Variants in ADAMTS6 observed in about 807,000 individuals in gnomAD.
ADAMTS6 encodes ADAM metallopeptidase with thrombospondin type 1 motif 6.
Under a neutral mutation model 144.3 loss-of-function variants are expected in ADAMTS6, and 23 were observed. The ratio of observed to expected loss-of-function variants is 0.16; its 90% CI spans 0.11 to 0.23. ADAMTS6 has a LOEUF of 0.23. ADAMTS6 is among the 10% of genes least tolerant of loss of function. The pLI is 1.00. For synonymous variants in ADAMTS6, 444 were observed against 457.5 expected (o/e 0.97, Z 0.38); for missense variants, 999 against 1,379.6 (o/e 0.72, Z 4.37).
At chr5:65,380,135 G>A (rs544467650) in intron 7 of ADAMTS6, among the ~76,000 whole-genome samples, 1 of 151,766 alleles carries the variant, frequency 6.6e-6, no homozygotes, top group East Asian at 1.9e-4. Context: ...TTTTTCTCCA[G>A]ACAGCCATTT....
chr5:65,299,899 T>C, intron 10 of ADAMTS6, 86 bp downstream of exon 10: 3 of 1,432,166 alleles, frequency 2.1e-6, no homozygotes, highest in South Asian at 1.4e-5. Context: ...TTACTCATTA[T>C]GCAAAGTTGA....
Position 65,170,655 on chromosome 5 carries a change from T to C in ADAMTS6, c.3206A>G (p.Glu1069Gly). Residue 1069 changes from glutamate to glycine, a missense_variant, in exon 24 of 25, where the codon GAA becomes GGA. By Grantham distance (98) the Glu-to-Gly change is moderately conservative. This residue lies in a region of ADAMTS6 where 619 missense variants were observed against 837.0 expected (regional missense o/e 0.74). Coordinates refer to ENST00000381055, the MANE Select transcript of ADAMTS6 (RefSeq NM_197941.4). Reference protein sequence around the residue: ...TVRPPSMQQCESKCDSTPISN... With the variant: ...TVRPPSMQQCGSKCDSTPISN... The stretch of plus-strand genomic sequence containing the variant: ...AATGGGGGTACTGTCACATTTGCTT[T>C]CACACTGCTGCATTGATGGAGGCCG... 6.2e-7 allele frequency: 1 copy of C among 1,614,162 alleles called. No homozygotes were observed. The highest frequency in any genetic ancestry group is 8.5e-7 in the Non-Finnish European group (1 of 1,180,032).
intron 7 of ADAMTS6, among the ~76,000 whole-genome samples, chr5:65,433,991 A>C (rs959256792): frequency 2.6e-5 from 4 of 152,234 alleles, no homozygotes; most frequent in Non-Finnish European, 5.9e-5. Context: ...AATAGCTGAA[A>C]AGGAGAAACA....
At chr5:65,249,323 A>G (rs1166534382) in intron 14 of ADAMTS6, among the ~76,000 whole-genome samples, 1 of 152,208 alleles carries the variant, frequency 6.6e-6, no homozygotes, top group Non-Finnish European at 1.5e-5. Context: ...TCCACCAGAA[A>G]AAGGAAGAAA....
intron 11 of ADAMTS6, among the ~76,000 whole-genome samples, chr5:65,291,009 G>T (rs1448881383): frequency 3.3e-5 from 5 of 151,990 alleles, no homozygotes; most frequent in African/African-American, 7.2e-5. Context: ...GTGGCAGAGG[G>T]ATTTTAAAGC....
At position 65,473,857 on chromosome 5, in the gene ADAMTS6, T is replaced by C; in HGVS notation, c.-184A>G. The C allele has an allele frequency of 2.0e-6, 1 of 500,778 alleles. No individual in the cohort carries two copies. The highest frequency in any genetic ancestry group is 3.6e-6 in the Non-Finnish European group (1 of 278,672). The allele number at this position is 500,778 out of a possible 1,614,324, so 31.0% of individuals were successfully genotyped here. On this transcript the variant is annotated 5_prime_UTR_variant, in exon 2 of 25. It removes an upstream start codon present in the reference 5' UTR. Transcript: ENST00000381055. ...GCACTTTCTTCTATATCTGGATTCA[T>C]TTTCTCAATCCAAAATGAAAAAAAT...
Position 65,150,899 on chromosome 5 carries a change from G to T in ADAMTS6, c.*937C>A, listed in dbSNP as rs1197357326. ...TCCAAAGGGCAGAAGCCGTGCTGTG[G>T]CTGGGGAGGATGTAAACACAAGTGA... On this transcript the variant is annotated 3_prime_UTR_variant, in exon 25 of 25. Transcript: ENST00000381055. 6.5e-6 allele frequency: 1 copy of T among 152,726 alleles called. No individual in the cohort carries two copies. Among genetic ancestry groups the T allele is most frequent in the African/African-American group, 2.4e-5 (1 of 41,466 alleles). 9.5% of individuals were successfully genotyped at this position (152,726 alleles called of 1,614,324 possible).
chr5:65,471,247 A>C, intron 2 of ADAMTS6, 105 bp from the exon 3 acceptor site: 1 of 1,167,462 alleles, frequency 8.6e-7, no homozygotes, highest in Non-Finnish European at 1.2e-6. Flanking sequence ...TGTCAATTAA[A>C]ACTATGAATC....
At chr5:65,381,640 C>A (rs1235589264) in intron 7 of ADAMTS6, among the ~76,000 whole-genome samples, 1 of 149,082 alleles carries the variant, frequency 6.7e-6, no homozygotes, top group Non-Finnish European at 1.5e-5. Flanking sequence ...CCCACCTTGG[C>A]CTCCAAAAGT....
At chr5:65,363,539 A>G (rs975869082) in intron 7 of ADAMTS6, among the ~76,000 whole-genome samples, 3 of 152,164 alleles carry the variant, frequency 2.0e-5, no homozygotes, top group African/African-American at 7.2e-5. Flanking sequence ...GGTATCAAAG[A>G]AAACATTTAC....
Position 65,224,386 on chromosome 5 carries a change from C to A in ADAMTS6, c.2206G>T (p.Val736Leu). 1 of 1,614,096 alleles carries A rather than the reference C, an allele frequency of 6.2e-7. No individual in the cohort carries two copies. The highest frequency in any genetic ancestry group is 1.1e-5 in the South Asian group (1 of 91,082). Residue 736 changes from valine (V) to leucine (L), a missense_variant, in exon 18 of 25, where the codon GTG (valine) becomes TTG (leucine). This residue lies in a region of ADAMTS6 where 619 missense variants were observed against 837.0 expected (regional missense o/e 0.74). Transcript: ENST00000381055. Reference protein sequence around the residue: ...SLPRGGYMEVVQIPRGSVHIE... With the variant: ...SLPRGGYMEVLQIPRGSVHIE... ...TGAACAGAGCCTCTTGGTATCTGCA[C>A]CACTTCCATGTAGCCTGGAACACAG... is the stretch of plus-strand genomic sequence containing the variant.
intron 8 of ADAMTS6, among the ~76,000 whole-genome samples, chr5:65,332,815 C>T (rs1341564864): frequency 2.0e-5 from 3 of 152,036 alleles, no homozygotes; most frequent in Non-Finnish European, 4.4e-5. Context: ...CAAAGTAAAT[C>T]TTTTTGATGT....
intron 14 of ADAMTS6, among the ~76,000 whole-genome samples, chr5:65,250,071 G>A (rs1364993789): frequency 6.6e-6 from 1 of 152,150 alleles, no homozygotes; most frequent in African/African-American, 2.4e-5. Flanking sequence ...GCATTAGCCT[G>A]TTGCTAAGCT....
intron 7 of ADAMTS6, among the ~76,000 whole-genome samples, chr5:65,380,125 T>G (rs942443853): frequency 1.3e-5 from 2 of 152,100 alleles, no homozygotes; most frequent in Admixed American, 6.6e-5. Context: ...TCAGAACTTT[T>G]TTTTCTCCAG....
At chr5:65,227,794 T>C (rs1757838326) in intron 15 of ADAMTS6, among the ~76,000 whole-genome samples, 1 of 152,206 alleles carries the variant, frequency 6.6e-6, no homozygotes, top group Non-Finnish European at 1.5e-5. Flanking sequence ...AATTTTTTTT[T>C]CCATCTAAAC....
chr5:65,180,659 AG>A (rs2112133342), intron 22 of ADAMTS6, among the ~76,000 whole-genome samples: 1 of 152,260 alleles, frequency 6.6e-6, no homozygotes, highest in Non-Finnish European at 1.5e-5. Context: ...CTTTAGTCAG[AG>A]GGATCTTTCT....
intron 11 of ADAMTS6, among the ~76,000 whole-genome samples, chr5:65,280,697 T>A (rs1286673992): frequency 1.3e-5 from 2 of 152,206 alleles, no homozygotes; most frequent in African/African-American, 4.8e-5. Flanking sequence ...TTAGTTGAGT[T>A]TATTAGTTTT....
Position 65,452,167 on chromosome 5 carries a change from A to G in ADAMTS6, c.893T>C (p.Ile298Thr). Residue 298 changes from isoleucine (I) to threonine (T), a missense_variant, in exon 6 of 25, where the codon ATA (isoleucine) becomes ACA (threonine). Physicochemically the swap from Ile to Thr is moderately conservative, Grantham distance 89. Around this residue, in one of 3 missense-constraint regions of ADAMTS6, gnomAD observed 128 missense variants for 249.0 expected, o/e 0.51. Transcript: ENST00000381055. ...DSSLGNVVNIIVARLIVLTED... is the reference protein window; with the variant it reads ...DSSLGNVVNITVARLIVLTED... ...TGTGAGAACAATTAAGCGGGCCACTATAATATTCACAACGTTTCCTAGGCT... is the reference window on the plus strand; with the variant it reads ...TGTGAGAACAATTAAGCGGGCCACTGTAATATTCACAACGTTTCCTAGGCT... 3.1e-6 allele frequency: 5 copies of G among 1,612,128 alleles called. No individual in the cohort carries two copies. Among genetic ancestry groups the G allele is most frequent in the Admixed American group, 1.7e-5 (1 of 59,984 alleles).
At position 65,407,349 on chromosome 5, in the gene ADAMTS6, TTA is replaced by T. The variant is rs1754618819; in HGVS notation, c.1073+44124_1073+44125del. 3.3e-5 allele frequency among the ~76,000 whole-genome samples: 5 copies of T among 151,704 alleles called. 1 individual carries two copies. The highest frequency in any genetic ancestry group is 6.6e-5 in the Admixed American group (1 of 15,222). On this transcript the variant is annotated intron_variant, in intron 7 of 24. Transcript: ENST00000381055. ...CCAATATTCAATGTTCTTTTTTTTT[TTA>T]TTATACTTTAAGTTTTAGGGTACAT...
Sources: gnomAD v4.1 joint callset for allele counts (sites outside exome capture counted in the v4.1 genomes callset) on GRCh38, gnomAD v4.1.1 for gene constraint, gnomAD v4.1.1 regional missense constraint, MANE v1.5 for transcripts, NCBI Gene and HGNC (gene_info 2026-07-23, HGNC 2026-07-21) for gene names.